COX15: variants seen among roughly 807,000 people sequenced by gnomAD.
The protein encoded by COX15 is cytochrome c oxidase assembly factor COX15.
Under a neutral mutation model 51.9 loss-of-function variants are expected in COX15, and 51 were observed. The ratio of observed to expected loss-of-function variants is 0.98; its 90% confidence interval spans 0.78 to 1.24. The LOEUF is 1.24. Ranked by LOEUF, COX15 falls within the 50% of genes most tolerant of loss-of-function variation. The probability of loss-of-function intolerance (pLI) is 0.00; values close to 1 mark genes in which losing one functional copy is unlikely to be tolerated. For synonymous variants in COX15, 188 were observed against 190.5 expected (o/e 0.99, Z 0.11); for missense variants, 420 against 501.1 (o/e 0.84, Z 1.55).
downstream of COX15, among the ~76,000 whole-genome samples, chr10:99,707,717 G>T (rs1323539741): frequency 1.3e-5 from 2 of 152,188 alleles, no homozygotes; most frequent in Non-Finnish European, 2.9e-5. Flanking sequence ...ATGCTTTTTA[G>T]TCTTGTGATA....
Position 99,714,203 on chromosome 10 carries a change from A to C in COX15, c.*384T>G. 1 of 1,079,178 alleles carries C rather than the reference A, an allele frequency of 9.3e-7. No homozygotes were observed. The allele number at this position is 1,079,178 out of a possible 1,614,324, so 66.9% of individuals were successfully genotyped here. On this transcript the variant is annotated 3_prime_UTR_variant, in exon 9 of 9. Coordinates refer to ENST00000016171, the MANE Select transcript of COX15 (RefSeq NM_078470.6). ...TTCACCTAATGGAAGTGAAGTTAAG[A>C]TCATAAAGAAATTCTATTTAGGCAG...
chr10:99,704,787 G>A, the COX15 span: 1 of 1,066,382 alleles, frequency 9.4e-7, no homozygotes, highest in African/African-American at 1.6e-5. Flanking sequence ...TGACCTTGTG[G>A]ATATTTGCCC....
At position 99,713,268 on chromosome 10, in the gene COX15, C is replaced by G. The variant is rs919266489; in HGVS notation, c.*1319G>C. On this transcript the variant is annotated 3_prime_UTR_variant, in exon 9 of 9. Transcript: ENST00000016171. ...TGATATAAGGCCAGGTTTCTTCAGC[C>G]CAAACTTATACAACTTATTTAATTT... 4.7e-5 allele frequency: 71 copies of G among 1,518,036 alleles called. No individual in the cohort carries two copies. The highest frequency in any genetic ancestry group is 1.3e-4 in the Admixed American group (7 of 55,428). The allele number at this position is 1,518,036 out of a possible 1,614,324, so 94.0% of individuals were successfully genotyped here.
intron 4 of COX15, among the ~76,000 whole-genome samples, chr10:99,725,002 G>A (rs566522230): frequency 4.8e-4 from 73 of 152,310 alleles, no homozygotes; most frequent in Non-Finnish European, 9.1e-4. Context: ...ATCTGGGGAC[G>A]CATAGTCAAA....
intron 4 of COX15, among the ~76,000 whole-genome samples, chr10:99,724,965 A>T (rs1180290944): frequency 6.6e-6 from 1 of 152,220 alleles, no homozygotes; most frequent in Admixed American, 6.5e-5. Context: ...GTTTATGGGG[A>T]TATAAGAAAC....
At chr10:99,704,562 T>A in the COX15 span, 4 of 1,614,192 alleles carry the variant, frequency 2.5e-6, no homozygotes, top group South Asian at 4.4e-5. Flanking sequence ...CTACTGGCCA[T>A]CTTCCTATAC....
At chr10:99,703,840 G>A in the COX15 span, among the ~76,000 whole-genome samples, 1 of 152,112 alleles carries the variant, frequency 6.6e-6, no homozygotes, top group Non-Finnish European at 1.5e-5. Flanking sequence ...TCCTGCCTCA[G>A]CCTTCTGAGT....
At position 99,713,490 on chromosome 10, in the gene COX15, T is replaced by G; in HGVS notation, c.*1097A>C. On this transcript the variant is annotated 3_prime_UTR_variant, in exon 9 of 9. Coordinates refer to ENST00000016171, the MANE Select transcript of COX15 (RefSeq NM_078470.6). Reference sequence around the variant, plus strand: ...GAATAAGACAGGGCCCTATGAAATATCAATAGAGACCAAAATCACATTAAT... The same window carrying G: ...GAATAAGACAGGGCCCTATGAAATAGCAATAGAGACCAAAATCACATTAAT... 1.2e-6 allele frequency: 2 copies of G among 1,610,354 alleles called. No homozygotes were observed. The highest frequency in any genetic ancestry group is 2.7e-5 in the African/African-American group (2 of 74,984).
At position 99,732,074 on chromosome 10, in the gene COX15, C is replaced by T. The variant is rs752673721; in HGVS notation, c.-25G>A. The T allele has an allele frequency of 6.2e-7, 1 of 1,607,118 alleles. No individual in the cohort carries two copies. The highest frequency in any genetic ancestry group is 8.5e-7 in the Non-Finnish European group (1 of 1,176,756). ...TACTGATGACAGGGAACAGCCACCT[C>T]TTCCACAACCCAGGGCTCTGTGGTC... On this transcript the variant is annotated 5_prime_UTR_variant, in exon 1 of 9. Coordinates refer to ENST00000016171, the MANE Select transcript of COX15 (RefSeq NM_078470.6).
chr10:99,701,719 A>G, the COX15 span, among the ~76,000 whole-genome samples: 1 of 152,056 alleles, frequency 6.6e-6, no homozygotes, highest in African/African-American at 2.4e-5. Context: ...AGTATGGTTC[A>G]TTGGTCCTTT....
In COX15 at chr10:99,724,069, G is replaced by C. The variant is rs776960690; in HGVS notation, c.637C>G (p.His213Asp). 2.5e-6 allele frequency: 4 copies of C among 1,613,964 alleles called. No individual in the cohort carries two copies. In the Admixed American group the frequency reaches 5.0e-5, roughly 20 times the overall value. Reference protein sequence around the residue: ...KSGLEEKSDSHDIPRVSQYRL... With the variant: ...KSGLEEKSDSDDIPRVSQYRL... ...TACTGACTGACCCGAGGGATGTCAT[G>C]GGAGTCTGATTTTTCTTCTAGTCCA... The change falls in exon 5 of 9, where the codon CAT (histidine) becomes GAT (aspartate). Residue 213 changes from histidine (H) to aspartate (D), a missense_variant. Coordinates refer to ENST00000016171, the MANE Select transcript of COX15 (RefSeq NM_078470.6).
At position 99,714,293 on chromosome 10, in the gene COX15, C is replaced by T; in HGVS notation, c.*294G>A. 8.3e-7 allele frequency: 1 copy of T among 1,209,900 alleles called. No individual in the cohort carries two copies. Among genetic ancestry groups the T allele is most frequent in the Non-Finnish European group, 1.0e-6 (1 of 957,610 alleles). The allele number at this position is 1,209,900 out of a possible 1,614,324, so 74.9% of individuals were successfully genotyped here. A position where few individuals can be genotyped will look rare whatever the true frequency, so the allele number is the denominator to read the frequency against. On this transcript the variant is annotated 3_prime_UTR_variant, in exon 9 of 9. Transcript: ENST00000016171. The stretch of plus-strand genomic sequence containing the variant: ...ACGTAGAACCAAGAGCTTGCCAACA[C>T]TGAAAAACCTGACACAAAGCCTGTT...
At chr10:99,710,660 A>G (rs1479765963), downstream of COX15, 1 of 985,290 alleles carries the variant, frequency 1.0e-6, no homozygotes, top group Admixed American at 6.2e-5. Flanking sequence ...GGACATGGGT[A>G]TATGTGTTAC....
At chr10:99,716,768 C>G (rs189578933) in intron 7 of COX15, 2 of 339,554 alleles carry the variant, frequency 5.9e-6, no homozygotes, top group Admixed American at 3.9e-5. Context: ...ATTTTTAATT[C>G]TTTGCATCCT....
At chr10:99,716,064 T>A (rs1355027780) in intron 8 of COX15, among the ~76,000 whole-genome samples, 1 of 149,026 alleles carries the variant, frequency 6.7e-6, no homozygotes, top group Non-Finnish European at 1.5e-5. Context: ...CGATCTTGAC[T>A]CACTGCAGCC....
At chr10:99,702,318 G>C in the COX15 span, among the ~76,000 whole-genome samples, 7 of 152,168 alleles carry the variant, frequency 4.6e-5, no homozygotes, top group Non-Finnish European at 8.8e-5. Flanking sequence ...CACAGCCACA[G>C]TATCATTATT....
At chr10:99,726,748 A>G (rs2036962669) in intron 4 of COX15, among the ~76,000 whole-genome samples, 2 of 152,066 alleles carry the variant, frequency 1.3e-5, no homozygotes, top group South Asian at 4.1e-4. Context: ...TTAGCCAGGC[A>G]TAGTGGCAGG....
At chr10:99,730,886 C>A (rs1228623542) in intron 1 of COX15, among the ~76,000 whole-genome samples, 1 of 152,062 alleles carries the variant, frequency 6.6e-6, no homozygotes, top group African/African-American at 2.4e-5. Context: ...TGTAGCGAGA[C>A]CCCCTATCTC....
At chr10:99,708,832 CT>C, downstream of COX15, 1 of 985,436 alleles carries the variant, frequency 1.0e-6, no homozygotes, top group Non-Finnish European at 1.2e-6. Context: ...AGCCCAACTA[CT>C]TTGTCAGCTA....
Sources: allele counts gnomAD v4.1 joint callset (sites outside exome capture counted in the v4.1 genomes callset), GRCh38; gene constraint gnomAD v4.1.1; transcripts MANE v1.5; gene names NCBI Gene and HGNC (gene_info 2026-07-23, HGNC 2026-07-21).